Variants in INPP5F observed in about 807,000 individuals in gnomAD.
The protein encoded by INPP5F is inositol polyphosphate-5-phosphatase F.
Under a neutral mutation model 137.2 loss-of-function variants are expected in INPP5F, and 97 were observed. The ratio of observed to expected loss-of-function variants is 0.71; its 90% CI spans 0.60 to 0.84. The LOEUF (loss-of-function observed/expected upper bound fraction) is 0.84, where lower values mean the gene tolerates loss of function less well. Among genes scored for constraint, INPP5F ranks in the 40% least tolerant of loss-of-function variants. The pLI is 0.00. For synonymous variants in INPP5F, 504 were observed against 476.9 expected (o/e 1.06, Z -0.74); for missense variants, 1,271 against 1,371.9 (o/e 0.93, Z 1.16).
chr10:119,804,292 G>GC lies in INPP5F; in HGVS notation c.1237dup (p.His413ProfsTer8). Reference sequence around the variant, plus strand: ...CTTACGTTTCGTTTGACTTCCATGAGCACTGGTAAGATGGCTTTCGGAGAA... The same window carrying GC: ...CTTACGTTTCGTTTGACTTCCATGAGCCACTGGTAAGATGGCTTTCGGAGAA... On this transcript the variant is annotated frameshift_variant, in exon 10 of 20. Coordinates refer to ENST00000650623, the MANE Select transcript of INPP5F (RefSeq NM_014937.4). LOFTEE classifies it high-confidence loss of function. The GC allele has an allele frequency of 6.2e-7, 1 of 1,610,288 alleles. No individual in the cohort carries two copies. Among genetic ancestry groups the GC allele is most frequent in the Non-Finnish European group, 8.5e-7 (1 of 1,179,024 alleles).
At chr10:119,825,598 G>T (rs2134306602) in intron 19 of INPP5F, among the ~76,000 whole-genome samples, 1 of 152,312 alleles carries the variant, frequency 6.6e-6, no homozygotes, top group Middle Eastern at 3.4e-3. Context: ...TAAGTAAACT[G>T]ATGAGAGGAA....
intron 12 of INPP5F, among the ~76,000 whole-genome samples, chr10:119,807,216 T>C (rs1407526673): frequency 1.3e-5 from 2 of 152,130 alleles, no homozygotes; most frequent in Admixed American, 6.6e-5. Flanking sequence ...GAGGTTGTAG[T>C]GAGCCCAGAT....
At chr10:119,779,375 GA>G (rs1361809861) in intron 2 of INPP5F, among the ~76,000 whole-genome samples, 1 of 152,014 alleles carries the variant, frequency 6.6e-6, no homozygotes, top group Non-Finnish European at 1.5e-5. Context: ...AGGCGACACT[GA>G]CTTTAAAATC....
At chr10:119,809,809 T>A (rs2134254253) in intron 13 of INPP5F, among the ~76,000 whole-genome samples, 1 of 152,346 alleles carries the variant, frequency 6.6e-6, no homozygotes, top group East Asian at 1.9e-4. Flanking sequence ...TCATATAATT[T>A]GTTTTGACCT....
At chr10:119,762,258 T>G (rs867345983) in intron 2 of INPP5F, among the ~76,000 whole-genome samples, 37 of 152,204 alleles carry the variant, frequency 2.4e-4, no homozygotes, top group African/African-American at 8.4e-4. Flanking sequence ...GTATTTCTGA[T>G]GGCTCTGGAG....
At chr10:119,734,109 CTT>C (rs2134102225) in intron 1 of INPP5F, among the ~76,000 whole-genome samples, 1 of 152,300 alleles carries the variant, frequency 6.6e-6, no homozygotes, top group African/African-American at 2.4e-5. Context: ...GAATCTCACT[CTT>C]AAGCCTGTGG....
At position 119,800,506 on chromosome 10, in the gene INPP5F, G is replaced by A. The variant is rs185735152; in HGVS notation, c.1116+1896G>A. ...ACCCAGGAGGCAGAGGTTGCAGTAA[G>A]CCAAGGTTGCGCCACTGCACTCCTG... On this transcript the variant is annotated intron_variant, in intron 9 of 19. Transcript: ENST00000650623. 2.5e-3 allele frequency among the ~76,000 whole-genome samples: 381 copies of A among 150,660 alleles called. 1 individual carries two copies. The highest frequency in any genetic ancestry group is 8.8e-3 in the African/African-American group (363 of 41,070).
At chr10:119,747,822 A>T (rs920329591) in intron 1 of INPP5F, among the ~76,000 whole-genome samples, 1 of 152,236 alleles carries the variant, frequency 6.6e-6, no homozygotes, top group Non-Finnish European at 1.5e-5. Flanking sequence ...TTGTGTCACC[A>T]TGAAGTTATA....
At chr10:119,728,029 A>G (rs966798626) in intron 1 of INPP5F, among the ~76,000 whole-genome samples, 8 of 152,258 alleles carry the variant, frequency 5.3e-5, no homozygotes, top group African/African-American at 1.2e-4. Context: ...TTCTTGAACT[A>G]TAAAGGCTAA....
intron 9 of INPP5F, among the ~76,000 whole-genome samples, chr10:119,800,146 A>G (rs555222032): frequency 6.1e-4 from 92 of 152,064 alleles, no homozygotes; most frequent in Admixed American, 3.7e-3. Flanking sequence ...CTTTATTAAA[A>G]TAAAAAACTT....
At chr10:119,733,464 A>G (rs888632506) in intron 1 of INPP5F, among the ~76,000 whole-genome samples, 5 of 152,200 alleles carry the variant, frequency 3.3e-5, no homozygotes, top group Admixed American at 1.3e-4. Context: ...ATTGGGAACT[A>G]TTTCCTCCAG....
At chr10:119,732,500 CTTTTTTTTTTTTT>C (rs59388357) in intron 1 of INPP5F, among the ~76,000 whole-genome samples, 54 of 115,568 alleles carry the variant, frequency 4.7e-4, no homozygotes, top group African/African-American at 1.7e-3. Context: ...TTTCTTTTTT[CTTTTTTTTTTTTT>C]TTTTGAGACG....
chr10:119,726,175 C>T lies in INPP5F; in HGVS notation c.-88C>T. On this transcript the variant is annotated 5_prime_UTR_variant, in exon 1 of 20. Transcript: ENST00000650623. ...GCGCGGTTCCTACCCGGCCGCTCCC[C>T]GAGGCGCGGGCTCTGGCGGCCTCGA... The T allele has an allele frequency of 2.5e-6, 2 of 808,388 alleles. No individual in the cohort carries two copies. The highest frequency in any genetic ancestry group is 3.7e-5 in the African/African-American group (2 of 54,476). The allele number at this position is 808,388 out of a possible 1,614,324, so 50.1% of individuals were successfully genotyped here. A position where few individuals can be genotyped will look rare whatever the true frequency, so the allele number is the denominator to read the frequency against.
chr10:119,802,897 A>G (rs1296308559), intron 9 of INPP5F, among the ~76,000 whole-genome samples: 1 of 152,210 alleles, frequency 6.6e-6, no homozygotes, highest in Middle Eastern at 3.2e-3. Context: ...ACGTTTGCCT[A>G]GGTATAGGTG....
chr10:119,784,963 C>T (rs758204832), intron 3 of INPP5F, among the ~76,000 whole-genome samples: 37 of 152,314 alleles, frequency 2.4e-4, no homozygotes, highest in East Asian at 5.8e-4. Context: ...TAATACACCA[C>T]GTGGCCTTTT....
At chr10:119,738,159 A>G (rs1324267094) in intron 1 of INPP5F, among the ~76,000 whole-genome samples, 2 of 152,244 alleles carry the variant, frequency 1.3e-5, no homozygotes, top group South Asian at 2.1e-4. Flanking sequence ...GGGTCAAACA[A>G]TTGAGCTTAT....
Position 119,781,615 on chromosome 10 carries a change from T to C in INPP5F, c.179-20T>C. 6.3e-7 allele frequency: 1 copy of C among 1,594,060 alleles called. No homozygotes were observed. Among genetic ancestry groups the C allele is most frequent in the Non-Finnish European group, 8.6e-7 (1 of 1,167,620 alleles). On this transcript the variant is annotated intron_variant, in intron 2 of 19. Transcript: ENST00000650623. ...AGCACTCTAAAAACGCCAGACTTTATTATGACTCTCCTCTTTCAGATCTTC... is the reference window on the plus strand; with the variant it reads ...AGCACTCTAAAAACGCCAGACTTTACTATGACTCTCCTCTTTCAGATCTTC...
chr10:119,797,148 A>T (rs1850413929), intron 7 of INPP5F, among the ~76,000 whole-genome samples: 1 of 152,198 alleles, frequency 6.6e-6, no homozygotes, highest in East Asian at 1.9e-4. Flanking sequence ...GAAGGGAAAA[A>T]GTCACTTGAG....
chr10:119,819,612 C>A, intron 15 of INPP5F: 3 of 1,243,296 alleles, frequency 2.4e-6, no homozygotes, highest in Non-Finnish European at 3.3e-6. Flanking sequence ...CTGTCTGGAT[C>A]GGTCTCCTTT....
Sources: allele counts gnomAD v4.1 joint callset (sites outside exome capture counted in the v4.1 genomes callset), GRCh38; gene constraint gnomAD v4.1.1; transcripts MANE v1.5; gene names NCBI Gene and HGNC (gene_info 2026-07-23, HGNC 2026-07-21).